The following CMKLR2 variants were observed in gnomAD, a reference collection of about 807,000 sequenced individuals.
The protein encoded by CMKLR2 is chemerin chemokine-like receptor 2.
A neutral mutation model predicts 23.0 loss-of-function variants in CMKLR2; 18 were observed. That is an observed-to-expected ratio of 0.78 (90% CI 0.54 to 1.16). The LOEUF is 1.16. CMKLR2 is among the 50% of genes most tolerant of loss of function. CMKLR2 has a pLI of 0.00. For synonymous variants in CMKLR2, 158 were observed against 158.9 expected (o/e 0.99, Z 0.05); for missense variants, 401 against 412.7 (o/e 0.97, Z 0.25).
At chr2:206,189,481 A>G (rs757375762) in intron 1 of CMKLR2, among the ~76,000 whole-genome samples, 4 of 152,104 alleles carry the variant, frequency 2.6e-5, no homozygotes, top group Non-Finnish European at 4.4e-5. Context: ...CTAAAAATAG[A>G]AAAATTAGGT....
intron 1 of CMKLR2, among the ~76,000 whole-genome samples, chr2:206,192,422 G>A (rs1400160949): frequency 7.7e-6 from 1 of 130,674 alleles, no homozygotes; most frequent in Non-Finnish European, 1.6e-5. Flanking sequence ...TGTTTATTTG[G>A]TTGGACATGG....
rs117198423 is a variant in CMKLR2, at chr2:206,195,054, C to T, written c.-28-17779G>A. Reference sequence around the variant, plus strand: ...TACAGGCATGAGCCACCATGCCCGACGCATCATAGACATTTTAAATTATTT... The same window carrying T: ...TACAGGCATGAGCCACCATGCCCGATGCATCATAGACATTTTAAATTATTT... On this transcript the variant is annotated intron_variant, in intron 1 of 1. Coordinates refer to ENST00000621141, the MANE Select transcript of CMKLR2 (RefSeq NM_001389445.1). Among the ~76,000 whole-genome samples, 951 of 152,230 alleles carry T rather than the reference C, an allele frequency of 6.2e-3. 18 individuals are homozygous for T. Among genetic ancestry groups the T allele is most frequent in the Admixed American group, 0.039 (599 of 15,284 alleles).
At chr2:206,202,940 C>G (rs1689155019) in intron 1 of CMKLR2, among the ~76,000 whole-genome samples, 1 of 152,004 alleles carries the variant, frequency 6.6e-6, no homozygotes, top group Non-Finnish European at 1.5e-5. Context: ...CTAGTTCTTT[C>G]TTGCTACCAG....
chr2:206,188,201 T>G (rs1688642663), intron 1 of CMKLR2, among the ~76,000 whole-genome samples: 1 of 152,162 alleles, frequency 6.6e-6, no homozygotes, highest in African/African-American at 2.4e-5. Context: ...CCCAAAATGC[T>G]GGGATTACAG....
intron 1 of CMKLR2, among the ~76,000 whole-genome samples, chr2:206,182,526 C>T (rs760551871): frequency 1.3e-5 from 2 of 152,138 alleles, no homozygotes; most frequent in Admixed American, 1.3e-4. Flanking sequence ...TGATTGGCTC[C>T]CATTCCAAAC....
intron 1 of CMKLR2, among the ~76,000 whole-genome samples, chr2:206,179,462 C>T (rs1440319412): frequency 6.7e-6 from 1 of 148,210 alleles, no homozygotes; most frequent in East Asian, 2.0e-4. Context: ...TTGCAACCTC[C>T]ACCTCCCGGG....
intron 1 of CMKLR2, among the ~76,000 whole-genome samples, chr2:206,189,920 T>C (rs1439525959): frequency 6.6e-6 from 1 of 152,148 alleles, no homozygotes; most frequent in Non-Finnish European, 1.5e-5. Flanking sequence ...CAGTAGAGTA[T>C]TTTGTTGCCA....
chr2:206,198,486 C>T (rs959645557), intron 1 of CMKLR2, among the ~76,000 whole-genome samples: 2 of 152,100 alleles, frequency 1.3e-5, no homozygotes, highest in Non-Finnish European at 2.9e-5. Flanking sequence ...ATGGCAGCAC[C>T]GTATATTCTA....
intron 1 of CMKLR2, among the ~76,000 whole-genome samples, chr2:206,200,858 T>C (rs1233982578): frequency 9.9e-5 from 15 of 152,264 alleles, no homozygotes; most frequent in Admixed American, 9.8e-4. Flanking sequence ...TTTAGAATAA[T>C]TTCTGTATCT....
chr2:206,176,908 A>G lies in CMKLR2; in HGVS notation c.340T>C (p.Ser114Pro). Residue 114 changes from serine (S) to proline (P), a missense_variant, in exon 2 of 2, where the codon TCC becomes CCC. By Grantham distance (74) the Ser-to-Pro change is moderately conservative. Transcript: ENST00000621141. ...PFGIWLCKAN[S>P]FTAQLNMFAS... ...AACATGTTCAACTGGGCAGTGAAGGAATTGGCTTTGCACAGCCAGATGCCA... is the reference window on the plus strand; with the variant it reads ...AACATGTTCAACTGGGCAGTGAAGGGATTGGCTTTGCACAGCCAGATGCCA... 6.2e-7 allele frequency: 1 copy of G among 1,614,198 alleles called. No individual in the cohort carries two copies. The highest frequency in any genetic ancestry group is 1.1e-5 in the South Asian group (1 of 91,084).
intron 1 of CMKLR2, among the ~76,000 whole-genome samples, chr2:206,186,440 A>G (rs1003223836): frequency 1.3e-5 from 2 of 152,120 alleles, no homozygotes; most frequent in Non-Finnish European, 2.9e-5. Flanking sequence ...GCAGCTGAAC[A>G]TGTATCCTAA....
chr2:206,191,167 G>A (rs935868992), intron 1 of CMKLR2, among the ~76,000 whole-genome samples: 11 of 152,140 alleles, frequency 7.2e-5, no homozygotes, highest in African/African-American at 2.7e-4. Context: ...GTGGGATCAT[G>A]GACAAATTAC....
rs569789002 is a variant in CMKLR2, at chr2:206,191,608, T to C, written c.-28-14333A>G. Among the ~76,000 whole-genome samples, 5 of 152,136 alleles carry C rather than the reference T, an allele frequency of 3.3e-5. No individual in the cohort carries two copies. The East Asian group carries it at 5.8e-4, about 18-fold the overall frequency. Reference sequence around the variant, plus strand: ...AAAATGCCATGTTTATCACCATATCTGGTTAAGAGTGGTGAGAAAATATTA... The same window carrying C: ...AAAATGCCATGTTTATCACCATATCCGGTTAAGAGTGGTGAGAAAATATTA... On this transcript the variant is annotated intron_variant, in intron 1 of 1. Coordinates refer to ENST00000621141, the MANE Select transcript of CMKLR2 (RefSeq NM_001389445.1).
At chr2:206,184,708 G>A (rs1260039011) in intron 1 of CMKLR2, among the ~76,000 whole-genome samples, 1 of 152,008 alleles carries the variant, frequency 6.6e-6, no homozygotes, top group Non-Finnish European at 1.5e-5. Context: ...ACTAACTCAG[G>A]AGTGGCAACC....
At chr2:206,184,305 T>A (rs1688507028) in intron 1 of CMKLR2, among the ~76,000 whole-genome samples, 1 of 151,922 alleles carries the variant, frequency 6.6e-6, no homozygotes, top group Non-Finnish European at 1.5e-5. Context: ...TCTCTCTTTT[T>A]TTTTTTTTTA....
chr2:206,200,054 G>T (rs2105826186), intron 1 of CMKLR2, among the ~76,000 whole-genome samples: 1 of 152,244 alleles, frequency 6.6e-6, no homozygotes, highest in East Asian at 1.9e-4. Context: ...TTTCATAGTT[G>T]ATATTAATCA....
upstream of CMKLR2, chr2:206,213,728 T>G (rs1250656298): frequency 6.6e-6 from 1 of 152,258 alleles, no homozygotes; most frequent in Non-Finnish European, 1.5e-5. Context: ...TTAGCAGAGA[T>G]GGAATGTTCT....
upstream of CMKLR2, among the ~76,000 whole-genome samples, chr2:206,216,536 C>G (rs1027243600): frequency 1.3e-5 from 2 of 152,124 alleles, no homozygotes; most frequent in African/African-American, 4.8e-5. Flanking sequence ...CCTGCCTCAG[C>G]CTCCCAAAAT....
At position 206,176,654 on chromosome 2, in the gene CMKLR2, GAGGTCAGGATC is replaced by G; in HGVS notation, c.583_593del (p.Asp195HisfsTer45). The stretch of plus-strand genomic sequence containing the variant: ...TCAGAACATGGTGCCTGATCAAAGT[GAGGTCAGGATC>G]ATGCTTCTGAAAATTGTTATAGCAA... On this transcript the variant is annotated frameshift_variant, in exon 2 of 2. Transcript: ENST00000621141. LOFTEE classifies it high-confidence loss of function. 1 of 1,613,914 alleles carries G rather than the reference GAGGTCAGGATC, an allele frequency of 6.2e-7. No homozygotes were observed. The highest frequency in any genetic ancestry group is 8.5e-7 in the Non-Finnish European group (1 of 1,179,796).
Sources: gnomAD v4.1 joint callset for allele counts (sites outside exome capture counted in the v4.1 genomes callset) on GRCh38, gnomAD v4.1.1 for gene constraint, MANE v1.5 for transcripts, NCBI Gene and HGNC (gene_info 2026-07-23, HGNC 2026-07-21) for gene names.